Variants in MAGI1 observed in about 807,000 individuals in gnomAD.
The protein encoded by MAGI1 is membrane associated guanylate kinase, WW and PDZ domain containing 1, also known as membrane-associated guanylate kinase, WW and PDZ domain-containing protein 1.
In MAGI1, 58 loss-of-function variants were observed where a neutral mutation model predicts 139.9. The observed-to-expected ratio is 0.41, with a 90% CI of 0.34 to 0.52. The LOEUF (loss-of-function observed/expected upper bound fraction) is 0.52. MAGI1 is among the 20% of genes least tolerant of loss of function. The pLI, the probability that MAGI1 is intolerant of heterozygous loss-of-function variation, is 0.12. For synonymous variants in MAGI1, 812 were observed against 737.9 expected, an observed-to-expected ratio of 1.10 and a Z score of -1.63; for missense variants, 1,874 against 1,901.6, an observed-to-expected ratio of 0.99 and a Z score of 0.27.
chr3:65,641,356 T>C (rs1382750397), intron 1 of MAGI1, among the ~76,000 whole-genome samples: 1 of 152,172 alleles, frequency 6.6e-6, no homozygotes, highest in Non-Finnish European at 1.5e-5. Context: ...GGCATGTCTA[T>C]AATAGCACCA....
At chr3:65,662,888 G>T (rs1559765142) in intron 1 of MAGI1, among the ~76,000 whole-genome samples, 1 of 152,092 alleles carries the variant, frequency 6.6e-6, no homozygotes, top group Non-Finnish European at 1.5e-5. Flanking sequence ...TCACTATTCT[G>T]CTGGTAGACA....
intron 1 of MAGI1, among the ~76,000 whole-genome samples, chr3:66,026,027 CCGG>C (rs1300194367): frequency 2.0e-5 from 3 of 151,518 alleles, no homozygotes; most frequent in Non-Finnish European, 4.4e-5. Flanking sequence ...TGCTGCAACA[CCGG>C]AGAAAGCTTT....
intron 1 of MAGI1, among the ~76,000 whole-genome samples, chr3:65,880,679 C>T (rs1183537567): frequency 6.6e-6 from 1 of 151,938 alleles, no homozygotes; most frequent in Non-Finnish European, 1.5e-5. Context: ...TAGATTCCAC[C>T]GGGAGAACAT....
chr3:66,003,287 G>C (rs1286791036), intron 1 of MAGI1, among the ~76,000 whole-genome samples: 1 of 152,078 alleles, frequency 6.6e-6, no homozygotes, highest in Non-Finnish European at 1.5e-5. Context: ...GTGGAGACAA[G>C]GACACACCAC....
intron 1 of MAGI1, among the ~76,000 whole-genome samples, chr3:65,784,566 G>T (rs1285460655): frequency 6.6e-6 from 1 of 151,936 alleles, no homozygotes; most frequent in Non-Finnish European, 1.5e-5. Context: ...TTAGCTGGGC[G>T]CGGTGACGGG....
intron 1 of MAGI1, among the ~76,000 whole-genome samples, chr3:65,648,395 C>T (rs151150040): frequency 6.6e-6 from 1 of 152,116 alleles, no homozygotes; most frequent in South Asian, 2.1e-4. Context: ...AGGGATCTTC[C>T]TGCCTCAGCC....
intron 1 of MAGI1, among the ~76,000 whole-genome samples, chr3:65,878,188 C>A (rs956569076): frequency 6.6e-6 from 1 of 152,018 alleles, no homozygotes; most frequent in African/African-American, 2.4e-5. Context: ...TCACCTAACA[C>A]GGTTTCCAGG....
chr3:65,475,550 A>C (rs1360622035), intron 4 of MAGI1, among the ~76,000 whole-genome samples: 2 of 152,202 alleles, frequency 1.3e-5, no homozygotes, highest in Non-Finnish European at 2.9e-5. Context: ...ATATTTTTGC[A>C]AAAGTCTTTG....
At chr3:65,606,505 T>C (rs1277431683) in intron 2 of MAGI1, among the ~76,000 whole-genome samples, 2 of 151,502 alleles carry the variant, frequency 1.3e-5, no homozygotes, top group African/African-American at 2.4e-5. Flanking sequence ...CACACCCGGA[T>C]GTTTATTTAT....
chr3:65,437,455 T>C (rs1354828817), intron 9 of MAGI1, among the ~76,000 whole-genome samples: 2 of 150,714 alleles, frequency 1.3e-5, no homozygotes, highest in South Asian at 4.2e-4. Context: ...AATATTACGA[T>C]ATAATGAATA....
chr3:65,419,351 A>T (rs188370223), intron 12 of MAGI1, among the ~76,000 whole-genome samples: 28 of 152,316 alleles, frequency 1.8e-4, no homozygotes, highest in African/African-American at 6.3e-4. Flanking sequence ...AATATTTCAT[A>T]AAAAAGGACT....
At chr3:66,019,752 T>C (rs1414136094) in intron 1 of MAGI1, among the ~76,000 whole-genome samples, 1 of 152,200 alleles carries the variant, frequency 6.6e-6, no homozygotes, top group African/African-American at 2.4e-5. Context: ...CACTCTTACC[T>C]CATCCATACT....
intron 1 of MAGI1, among the ~76,000 whole-genome samples, chr3:65,900,163 C>T (rs558922455): frequency 1.3e-5 from 2 of 152,244 alleles, no homozygotes; most frequent in South Asian, 4.1e-4. Flanking sequence ...ATACACCCAT[C>T]GTCTTGCTTT....
chr3:65,395,131 G>A (rs923905118), intron 13 of MAGI1, among the ~76,000 whole-genome samples: 1 of 152,074 alleles, frequency 6.6e-6, no homozygotes, highest in African/African-American at 2.4e-5. Context: ...TAAATACATA[G>A]GATCACCTGC....
chr3:65,979,948 C>A (rs2065480253), intron 1 of MAGI1, among the ~76,000 whole-genome samples: 1 of 152,126 alleles, frequency 6.6e-6, no homozygotes. Context: ...GAGGAACTGG[C>A]CTCTAGAGTG....
chr3:66,016,141 A>G (rs1462746469), intron 1 of MAGI1, among the ~76,000 whole-genome samples: 1 of 152,200 alleles, frequency 6.6e-6, no homozygotes, highest in Non-Finnish European at 1.5e-5. Context: ...ACAAGCCTAG[A>G]ATCAAGTGAT....
intron 2 of MAGI1, among the ~76,000 whole-genome samples, chr3:65,546,134 C>T (rs959472736): frequency 1.3e-5 from 2 of 152,122 alleles, no homozygotes; most frequent in African/African-American, 4.8e-5. Context: ...CATTTAAAAT[C>T]ATAAATGGCC....
intron 1 of MAGI1, among the ~76,000 whole-genome samples, chr3:66,007,327 T>C (rs1392491462): frequency 6.6e-6 from 1 of 152,198 alleles, no homozygotes; most frequent in Non-Finnish European, 1.5e-5. Context: ...TGACACACTG[T>C]CTCTTTTCCT....
Position 65,394,024 on chromosome 3 carries a change from G to A in MAGI1, c.2200-2666C>T, listed in dbSNP as rs772629119. Among the ~76,000 whole-genome samples the A allele has an allele frequency of 1.4e-4, 21 of 152,128 alleles. 1 individual carries two copies. The highest frequency in any genetic ancestry group is 2.1e-4 in the Non-Finnish European group (14 of 68,026). On this transcript the variant is annotated intron_variant, in intron 13 of 22. Transcript: ENST00000402939. ...TGGACCTGTCTCCCAGAGAAAATGC[G>A]TATGTGCTTTTACATACATACCTGT...
Sources: allele counts gnomAD v4.1 joint callset (sites outside exome capture counted in the v4.1 genomes callset), GRCh38; gene constraint gnomAD v4.1.1; transcripts MANE v1.5; gene names NCBI Gene and HGNC (gene_info 2026-07-23, HGNC 2026-07-21).